SLC39A8: variants seen among roughly 807,000 people sequenced by gnomAD.
The protein encoded by SLC39A8 is metal cation symporter ZIP8.
A neutral mutation model predicts 40.4 loss-of-function variants in SLC39A8; 15 were observed. The observed-to-expected ratio is 0.37, with a 90% confidence interval of 0.25 to 0.57. SLC39A8 has a LOEUF of 0.57. SLC39A8 is among the 20% of genes least tolerant of loss of function. SLC39A8 has a pLI of 0.75. For missense variants in SLC39A8, 472 were observed against 558.8 expected, an observed-to-expected ratio of 0.84 and a Z score of 1.57; for synonymous variants, 223 against 221.6, an observed-to-expected ratio of 1.01 and a Z score of -0.06.
intron 6 of SLC39A8, among the ~76,000 whole-genome samples, chr4:102,292,671 G>A (rs755806295): frequency 1.5e-4 from 23 of 151,916 alleles, no homozygotes; most frequent in South Asian, 4.1e-4. Context: ...TCAATATTCC[G>A]TCATTGAAAT....
intron 6 of SLC39A8, among the ~76,000 whole-genome samples, chr4:102,294,652 C>T (rs577837503): frequency 7.1e-4 from 108 of 152,066 alleles, no homozygotes; most frequent in African/African-American, 2.1e-3. Context: ...AATCTCTCTC[C>T]GCTGTTGCCA....
intron 6 of SLC39A8, among the ~76,000 whole-genome samples, chr4:102,298,711 G>A (rs373719017): frequency 6.6e-5 from 10 of 152,160 alleles, no homozygotes; most frequent in African/African-American, 2.4e-4. Context: ...GCAAGGACAG[G>A]AGGAAAGAGA....
chr4:102,316,316 C>T lies in SLC39A8; in HGVS notation c.220-486G>A, dbSNP rs988631830. 2.6e-5 allele frequency among the ~76,000 whole-genome samples: 4 copies of T among 152,074 alleles called. No individual in the cohort carries two copies. The South Asian group carries it at 8.3e-4, about 31-fold the overall frequency. ...AGAAATTCCTCTCTTCTCTACACTG[C>T]AATAAATATAAATATAAAAAGTTGT... On this transcript the variant is annotated intron_variant, in intron 2 of 8. Coordinates refer to ENST00000356736, the MANE Select transcript of SLC39A8 (RefSeq NM_001135146.2).
At chr4:102,326,071 A>G (rs928148522) in intron 2 of SLC39A8, among the ~76,000 whole-genome samples, 2 of 152,082 alleles carry the variant, frequency 1.3e-5, no homozygotes, top group Admixed American at 6.5e-5. Flanking sequence ...CACCCCTGAC[A>G]TGTCTTCAGG....
rs547802095 is a variant in SLC39A8, at chr4:102,304,294, G to C, written c.840+23C>G. The C allele has an allele frequency of 3.2e-6, 5 of 1,587,198 alleles. No individual in the cohort carries two copies. In the Middle Eastern group the frequency reaches 6.7e-4, roughly 212 times the overall value. On this transcript the variant is annotated intron_variant, in intron 6 of 8. Transcript: ENST00000356736. The stretch of plus-strand genomic sequence containing the variant: ...AGTATAAAGAATGCAGTATAATGAA[G>C]GAAAAATGGAATTAACATATACCTG...
intron 3 of SLC39A8, among the ~76,000 whole-genome samples, chr4:102,308,245 C>T (rs1320020352): frequency 6.6e-6 from 1 of 152,044 alleles, no homozygotes; most frequent in African/African-American, 2.4e-5. Context: ...GAAGTGAGCA[C>T]ATGGGGCAGG....
At chr4:102,318,305 T>G (rs1734749912) in intron 2 of SLC39A8, among the ~76,000 whole-genome samples, 1 of 152,100 alleles carries the variant, frequency 6.6e-6, no homozygotes, top group South Asian at 2.1e-4. Context: ...GTGGCAACTG[T>G]CCAATCACCA....
chr4:102,330,116 G>A (rs1307894925), intron 2 of SLC39A8, among the ~76,000 whole-genome samples: 2 of 152,012 alleles, frequency 1.3e-5, no homozygotes, highest in Non-Finnish European at 2.9e-5. Flanking sequence ...AAGAACTAGA[G>A]AAGCAAGAGC....
chr4:102,313,834 T>A (rs1734545455), intron 3 of SLC39A8, among the ~76,000 whole-genome samples: 1 of 151,988 alleles, frequency 6.6e-6, no homozygotes, highest in African/African-American at 2.4e-5. Flanking sequence ...AGCAATCCTC[T>A]GCCTTGGCCT....
intron 2 of SLC39A8, among the ~76,000 whole-genome samples, chr4:102,328,462 G>A (rs898189850): frequency 1.3e-5 from 2 of 152,058 alleles, no homozygotes; most frequent in African/African-American, 4.8e-5. Context: ...AGAATAGAGA[G>A]TTCATGTGTC....
chr4:102,295,472 A>C (rs1733640616), intron 6 of SLC39A8, among the ~76,000 whole-genome samples: 1 of 152,094 alleles, frequency 6.6e-6, no homozygotes, highest in Non-Finnish European at 1.5e-5. Flanking sequence ...AGATTTTTGT[A>C]CCTTTAAAAG....
intron 6 of SLC39A8, among the ~76,000 whole-genome samples, chr4:102,301,758 T>C (rs1733936710): frequency 6.6e-6 from 1 of 152,070 alleles, no homozygotes; most frequent in Non-Finnish European, 1.5e-5. Context: ...CTTCTGCCCA[T>C]AGCTAATCCT....
Position 102,344,756 on chromosome 4 carries a change from G to C in SLC39A8, c.-94C>G. On this transcript the variant is annotated 5_prime_UTR_variant, in exon 2 of 9. Transcript: ENST00000356736. Reference sequence around the variant, plus strand: ...GGCGTCCTTGCCCAAGGGCGGGAGCGTCAGTGCTCGGCGCTGCTCCGAGTC... The same window carrying C: ...GGCGTCCTTGCCCAAGGGCGGGAGCCTCAGTGCTCGGCGCTGCTCCGAGTC... 7.4e-7 allele frequency: 1 copy of C among 1,356,524 alleles called. No individual in the cohort carries two copies. The highest frequency in any genetic ancestry group is 9.4e-7 in the Non-Finnish European group (1 of 1,061,678). The allele number at this position is 1,356,524 out of a possible 1,614,324, so 84.0% of individuals were successfully genotyped here.
intron 6 of SLC39A8, among the ~76,000 whole-genome samples, chr4:102,284,721 C>T (rs1560537229): frequency 6.6e-6 from 1 of 151,550 alleles, no homozygotes; most frequent in Non-Finnish European, 1.5e-5. Flanking sequence ...ATAAAAATTA[C>T]AAAAAAAATA....
intron 3 of SLC39A8, among the ~76,000 whole-genome samples, chr4:102,313,126 G>GGTGATTT (rs1734517595): frequency 6.6e-6 from 1 of 152,066 alleles, no homozygotes; most frequent in African/African-American, 2.4e-5. Flanking sequence ...AATGATACTT[G>GGTGATTT]GTGATTTCTA....
chr4:102,271,864 C>T (rs1366377047), intron 6 of SLC39A8, among the ~76,000 whole-genome samples: 1 of 152,114 alleles, frequency 6.6e-6, no homozygotes, highest in Non-Finnish European at 1.5e-5. Context: ...ATCACCTGCA[C>T]CCTCTAGTAG....
At position 102,286,509 on chromosome 4, in the gene SLC39A8, T is replaced by C. The variant is rs192732148; in HGVS notation, c.840+17808A>G. On this transcript the variant is annotated intron_variant, in intron 6 of 8. Transcript: ENST00000356736. ...ATGCACTTTTATTGCTTTCCAGAAC[T>C]TAACACTAACAAACTGGGCTCTCCA... 3.3e-5 allele frequency among the ~76,000 whole-genome samples: 5 copies of C among 151,984 alleles called. No individual in the cohort carries two copies. The East Asian group carries it at 9.7e-4, about 29-fold the overall frequency.
At chr4:102,337,323 G>A (rs151281146) in intron 2 of SLC39A8, among the ~76,000 whole-genome samples, 98 of 151,226 alleles carry the variant, frequency 6.5e-4, no homozygotes, top group Middle Eastern at 3.5e-3. Flanking sequence ...AGGTTTTTAT[G>A]ACTAGAAAGC....
intron 6 of SLC39A8, among the ~76,000 whole-genome samples, chr4:102,292,910 CA>C (rs1231646870): frequency 6.6e-6 from 1 of 152,008 alleles, no homozygotes; most frequent in Non-Finnish European, 1.5e-5. Flanking sequence ...TGCCAGTTTA[CA>C]GATGAAGAAA....
Sources: allele counts gnomAD v4.1 joint callset (sites outside exome capture counted in the v4.1 genomes callset), GRCh38; gene constraint gnomAD v4.1.1; transcripts MANE v1.5; gene names NCBI Gene and HGNC (gene_info 2026-07-23, HGNC 2026-07-21).